Variants in SLC16A3 observed in about 807,000 individuals in gnomAD.
SLC16A3 encodes the protein solute carrier family 16 member 3, also known as monocarboxylate transporter 4.
A neutral mutation model predicts 25.0 loss-of-function variants in SLC16A3; 22 were observed. The observed-to-expected ratio is 0.88, with a 90% CI of 0.63 to 1.26. The LOEUF is 1.26. SLC16A3 is among the 50% of genes most tolerant of loss of function. The pLI is 0.00. For missense variants in SLC16A3, 731 were observed against 666.6 expected (o/e 1.10, Z -1.06); for synonymous variants, 390 against 309.2 (o/e 1.26, Z -2.74).
chr17:82,239,238 G>A lies in SLC16A3; in HGVS notation c.*262G>A. On this transcript the variant is annotated 3_prime_UTR_variant, in exon 5 of 5. Coordinates refer to ENST00000582743, the MANE Select transcript of SLC16A3 (RefSeq NM_004207.4). ...GGGCCCCGCCTGCTGCTCCCAGGTGGCCTGCGGCCACTGCTATGCTCAAGG... is the reference window on the plus strand; with the variant it reads ...GGGCCCCGCCTGCTGCTCCCAGGTGACCTGCGGCCACTGCTATGCTCAAGG... 3.8e-6 allele frequency: 1 copy of A among 266,484 alleles called. No homozygotes were observed. Among genetic ancestry groups the A allele is most frequent in the Non-Finnish European group, 7.1e-6 (1 of 141,502 alleles). 16.5% of individuals were successfully genotyped at this position (266,484 alleles called of 1,614,324 possible).
chr17:82,234,126 C>T (rs1473538213), intron 1 of SLC16A3: 1 of 152,276 alleles, frequency 6.6e-6, no homozygotes, highest in Non-Finnish European at 1.5e-5. Context: ...AGGCGTGAGC[C>T]ACCGCGCCCG....
chr17:82,231,604 G>T (rs1006512079), intron 1 of SLC16A3: 2 of 152,322 alleles, frequency 1.3e-5, no homozygotes, highest in African/African-American at 4.8e-5. Context: ...TGACAGCCTT[G>T]CGGAGAAGGG....
chr17:82,237,454 T>C lies in SLC16A3; in HGVS notation c.684T>C (p.Phe228=), dbSNP rs2147132418. The C allele has an allele frequency of 6.2e-7, 1 of 1,604,648 alleles. No individual in the cohort carries two copies. ...TGAGCGTCTTCCGGGACCGCGGCTTTGTGCTTTACGCCGTGGCCGCCTCGG... is the reference window on the plus strand; with the variant it reads ...TGAGCGTCTTCCGGGACCGCGGCTTCGTGCTTTACGCCGTGGCCGCCTCGG... The part of the protein sequence containing the change: ...LDLSVFRDRG[F]VLYAVAASVM... The change falls in exon 4 of 5, where the codon TTT becomes TTC. Residue 228 remains phenylalanine, a synonymous_variant. Coordinates refer to ENST00000582743, the MANE Select transcript of SLC16A3 (RefSeq NM_004207.4).
chr17:82,238,033 C>A, intron 4 of SLC16A3, 140 bp downstream of exon 4: 2 of 991,046 alleles, frequency 2.0e-6, no homozygotes, highest in Non-Finnish European at 2.9e-6. Flanking sequence ...TGTGCTGGAC[C>A]AACCCTGATT....
At position 82,235,949 on chromosome 17, in the gene SLC16A3, C is replaced by T. The variant is rs915600920; in HGVS notation, c.-26-34C>T. ...CCAGGCTGCAGCTGGGATGGTCACC[C>T]GGGCAGCCTGAGTCAGCCTGCTTTC... On this transcript the variant is annotated intron_variant, in intron 1 of 4. Coordinates refer to ENST00000582743, the MANE Select transcript of SLC16A3 (RefSeq NM_004207.4). 114 of 1,444,064 alleles carry T rather than the reference C, an allele frequency of 7.9e-5. 2 individuals carry two copies. The highest frequency in any genetic ancestry group is 6.8e-4 in the South Asian group (57 of 83,880). The allele number at this position is 1,444,064 out of a possible 1,614,324, so 89.5% of individuals were successfully genotyped here.
At chr17:82,228,957 G>A (rs1365914306), upstream of SLC16A3, 4 of 149,198 alleles carry the variant, frequency 2.7e-5, no homozygotes, top group South Asian at 7.5e-4. Flanking sequence ...GGCGCGCAGG[G>A]GCGGCGCCAG....
chr17:82,227,648 T>TGCCCTGGGCGGGAGCACCACCC (rs2050434270), upstream of SLC16A3, among the ~76,000 whole-genome samples: 2 of 18,346 alleles, frequency 1.1e-4, no homozygotes, highest in African/African-American at 2.7e-4. Context: ...GAGCACCACC[T>TGCCCTGGGCGGGAGCACCACCC]GCCCTGGGCG....
In SLC16A3 at chr17:82,239,540, TGCTGATGGCCTG is replaced by T. The variant is rs899462301; in HGVS notation, c.*569_*580del. The T allele has an allele frequency of 5.0e-5, 9 of 180,788 alleles. No homozygotes were observed. The highest frequency in any genetic ancestry group is 9.1e-5 in the Non-Finnish European group (8 of 87,546). The allele number at this position is 180,788 out of a possible 1,614,324, so 11.2% of individuals were successfully genotyped here. On this transcript the variant is annotated 3_prime_UTR_variant, in exon 5 of 5. Coordinates refer to ENST00000582743, the MANE Select transcript of SLC16A3 (RefSeq NM_004207.4). Reference sequence around the variant, plus strand: ...TGGCCTGTGTCCTGACTCGCACGTCTGCTGATGGCCTGGCTGTTCCTACCGTGGCTCTGTCCT... The same window carrying T: ...TGGCCTGTGTCCTGACTCGCACGTCTGCTGTTCCTACCGTGGCTCTGTCCT...
In SLC16A3 at chr17:82,238,908, G is replaced by C. The variant is rs772904009; in HGVS notation, c.1330G>C (p.Glu444Gln). The change falls in exon 5 of 5, where the codon GAG (glutamate) becomes CAG (glutamine). Residue 444 changes from glutamate to glutamine, a missense_variant. By Grantham distance (29) the Glu-to-Gln change is conservative (BLOSUM62 2). Transcript: ENST00000582743. ...CTCGGGGGTGGACTTGCGGGAGGTGGAGCATTTCCTGAAGGCTGAGCCTGA... is the reference window on the plus strand; with the variant it reads ...CTCGGGGGTGGACTTGCGGGAGGTGCAGCATTTCCTGAAGGCTGAGCCTGA... ...ADSGVDLREV[E>Q]HFLKAEPEKN... 5 of 1,598,330 alleles carry C rather than the reference G, an allele frequency of 3.1e-6. No individual in the cohort carries two copies. Among genetic ancestry groups the C allele is most frequent in the Non-Finnish European group, 4.3e-6 (5 of 1,169,346 alleles).
At chr17:82,218,671 G>T (rs1034764915) in intron 1 of SLC16A3, among the ~76,000 whole-genome samples, 1 of 152,190 alleles carries the variant, frequency 6.6e-6, no homozygotes, top group Middle Eastern at 3.2e-3. Context: ...CCAAGGAAGA[G>T]AGGACAGAGG....
At position 82,235,734 on chromosome 17, in the gene SLC16A3, G is replaced by A. The variant is rs151210995; in HGVS notation, c.-26-249G>A. 3.9e-4 allele frequency: 209 copies of A among 541,114 alleles called. 2 individuals are homozygous for A. The East Asian group carries it at 6.3e-3, about 16-fold the overall frequency. The allele number at this position is 541,114 out of a possible 1,614,324, so 33.5% of individuals were successfully genotyped here. A position where few individuals can be genotyped will look rare whatever the true frequency, so the allele number is the denominator to read the frequency against. ...CTGAGTCCTGGCCGAGCCCAAAAAA[G>A]CCACTGCCCTTTAGAGCCAGCTGTG... On this transcript the variant is annotated intron_variant, in intron 1 of 4. Coordinates refer to ENST00000582743, the MANE Select transcript of SLC16A3 (RefSeq NM_004207.4).
chr17:82,234,157 A>C (rs934468581), intron 1 of SLC16A3: 6 of 152,160 alleles, frequency 3.9e-5, no homozygotes, highest in Non-Finnish European at 7.3e-5. Context: ...ATATATTTTT[A>C]ATATCTTGTA....
intron 1 of SLC16A3, among the ~76,000 whole-genome samples, chr17:82,220,813 TTA>T (rs1362665702): frequency 4.6e-5 from 7 of 151,958 alleles, no homozygotes; most frequent in East Asian, 1.9e-4. Flanking sequence ...AATTAATTAA[TTA>T]ATTTAATTTA....
Position 82,239,822 on chromosome 17 carries a change from G to C in SLC16A3, c.*846G>C, listed in dbSNP as rs2050715141. ...CCTCTGCCTGGCTGGCAGTGTGCGTGGTGTGGTCAGTGCCCAGGGCTGGTC... is the reference window on the plus strand; with the variant it reads ...CCTCTGCCTGGCTGGCAGTGTGCGTCGTGTGGTCAGTGCCCAGGGCTGGTC... On this transcript the variant is annotated 3_prime_UTR_variant, in exon 5 of 5. Coordinates refer to ENST00000582743, the MANE Select transcript of SLC16A3 (RefSeq NM_004207.4). 2 of 412,666 alleles carry C rather than the reference G, an allele frequency of 4.8e-6. No homozygotes were observed. The highest frequency in any genetic ancestry group is 8.3e-6 in the Non-Finnish European group (2 of 240,030). 25.6% of individuals were successfully genotyped at this position (412,666 alleles called of 1,614,324 possible). A position where few individuals can be genotyped will look rare whatever the true frequency, so the allele number is the denominator to read the frequency against.
intron 1 of SLC16A3, among the ~76,000 whole-genome samples, chr17:82,233,028 T>A (rs900665828): frequency 6.6e-6 from 1 of 151,296 alleles, no homozygotes; most frequent in Admixed American, 6.6e-5. Context: ...AGCCCCAGGG[T>A]TGTCCCTGGA....
intron 1 of SLC16A3, among the ~76,000 whole-genome samples, chr17:82,223,139 C>T (rs1228943621): frequency 6.6e-6 from 1 of 152,104 alleles, no homozygotes; most frequent in Non-Finnish European, 1.5e-5. Context: ...TGCCCTCTAC[C>T]GTAACCGTGT....
chr17:82,237,966 A>G (rs1033751247), intron 4 of SLC16A3, 73 bp downstream of exon 4: 6 of 1,504,486 alleles, frequency 4.0e-6, no homozygotes, highest in East Asian at 4.6e-5. Context: ...GAGGGGGGGG[A>G]CGCGCACCCC....
At chr17:82,222,303 G>A (rs910778053) in intron 1 of SLC16A3, among the ~76,000 whole-genome samples, 3 of 150,846 alleles carry the variant, frequency 2.0e-5, no homozygotes, top group East Asian at 2.0e-4. Context: ...GGAGACGAGT[G>A]TCGCCCTGGG....
intron 4 of SLC16A3, 93 bp from the exon 5 acceptor site, chr17:82,238,609 C>T (rs1011645068): frequency 8.6e-5 from 112 of 1,305,448 alleles, no homozygotes; most frequent in African/African-American, 6.8e-4. Context: ...GTGACCCTTG[C>T]GTGCTGAGAC....
Sources: gnomAD v4.1 joint callset for allele counts (sites outside exome capture counted in the v4.1 genomes callset) on GRCh38, gnomAD v4.1.1 for gene constraint, MANE v1.5 for transcripts, NCBI Gene and HGNC (gene_info 2026-07-23, HGNC 2026-07-21) for gene names.